EXOC4: variants seen among roughly 807,000 people sequenced by gnomAD.
EXOC4 encodes exocyst complex component 4, also known as SEC8-like 1.
A neutral mutation model predicts 107.2 loss-of-function variants in EXOC4; 71 were observed. That is an observed-to-expected ratio of 0.66 (90% CI 0.55 to 0.81). EXOC4 has a LOEUF of 0.81. Among genes scored for constraint, EXOC4 ranks in the 30% least tolerant of loss-of-function variants. EXOC4 has a pLI of 0.00. For synonymous variants in EXOC4, 456 were observed against 441.2 expected, an observed-to-expected ratio of 1.03 and a Z score of -0.42; for missense variants, 1,108 against 1,189.6, an observed-to-expected ratio of 0.93 and a Z score of 1.01.
At chr7:133,495,280 CT>C (rs1799451471) in intron 9 of EXOC4, among the ~76,000 whole-genome samples, 1 of 151,934 alleles carries the variant, frequency 6.6e-6, no homozygotes, top group South Asian at 2.1e-4. Context: ...GTGCGTAACA[CT>C]GGAGTTTTAG....
chr7:134,062,243 C>G (rs1460438522), intron 17 of EXOC4, among the ~76,000 whole-genome samples: 1 of 152,162 alleles, frequency 6.6e-6, no homozygotes, highest in African/African-American at 2.4e-5. Context: ...AAAGATTATT[C>G]TCTCCCCTAT....
intron 7 of EXOC4, among the ~76,000 whole-genome samples, chr7:133,469,562 C>A (rs1798820760): frequency 6.6e-6 from 1 of 152,088 alleles, no homozygotes; most frequent in Non-Finnish European, 1.5e-5. Flanking sequence ...GTATAAATGT[C>A]AATAGATTCA....
At chr7:133,362,294 C>T (rs186847703) in intron 6 of EXOC4, among the ~76,000 whole-genome samples, 15 of 152,222 alleles carry the variant, frequency 9.9e-5, no homozygotes, top group South Asian at 2.1e-4. Context: ...AGTGACCAAA[C>T]GACTTTTGAG....
At chr7:133,419,795 G>T (rs1424587) in intron 7 of EXOC4, among the ~76,000 whole-genome samples, 73,528 of 151,702 alleles carry the variant, frequency 0.48, 18,196 homozygotes, top group East Asian at 0.6. Context: ...TACCACAAAC[G>T]TAATGATTTA....
chr7:133,759,775 G>C (rs981336995), intron 10 of EXOC4, among the ~76,000 whole-genome samples: 7 of 152,158 alleles, frequency 4.6e-5, no homozygotes, highest in African/African-American at 1.4e-4. Flanking sequence ...GAAGGAGAAA[G>C]GTTATCAGTC....
intron 9 of EXOC4, among the ~76,000 whole-genome samples, chr7:133,608,926 T>C (rs1305576080): frequency 1.3e-5 from 2 of 152,208 alleles, no homozygotes; most frequent in African/African-American, 4.8e-5. Flanking sequence ...GAAAATAGTA[T>C]AAATATAACT....
intron 7 of EXOC4, among the ~76,000 whole-genome samples, chr7:133,412,345 T>C (rs1364380454): frequency 7.6e-6 from 1 of 131,826 alleles, no homozygotes; most frequent in Admixed American, 1.0e-4. Context: ...ATAAAAGTGG[T>C]ATGTTGTGGT....
At chr7:134,056,566 A>G (rs1057213485) in intron 17 of EXOC4, among the ~76,000 whole-genome samples, 1 of 152,250 alleles carries the variant, frequency 6.6e-6, no homozygotes, top group Admixed American at 6.5e-5. Context: ...ATAATTATTC[A>G]TACAAATGGG....
chr7:133,917,885 A>G, intron 13 of EXOC4, 147 bp downstream of exon 13: 1 of 755,358 alleles, frequency 1.3e-6, no homozygotes, highest in East Asian at 2.8e-5. Context: ...CTCCTGTCTC[A>G]CCTCATTTCC....
At chr7:133,889,460 T>C (rs941409297) in intron 11 of EXOC4, among the ~76,000 whole-genome samples, 3 of 149,780 alleles carry the variant, frequency 2.0e-5, no homozygotes, top group South Asian at 4.2e-4. Flanking sequence ...TTAGGGTACA[T>C]GTGCACATTG....
intron 12 of EXOC4, among the ~76,000 whole-genome samples, chr7:133,908,356 G>A (rs868262914): frequency 6.6e-6 from 1 of 152,244 alleles, no homozygotes; most frequent in Non-Finnish European, 1.5e-5. Context: ...CGTGGCAAAG[G>A]CCACAGAGCA....
At chr7:133,549,238 C>G (rs6947125) in intron 9 of EXOC4, among the ~76,000 whole-genome samples, 1 of 152,146 alleles carries the variant, frequency 6.6e-6, no homozygotes, top group Non-Finnish European at 1.5e-5. Flanking sequence ...GTGATCTGCC[C>G]GCCTTGGCCT....
Position 133,845,002 on chromosome 7 carries a change from AAATCCAAAGT to A in EXOC4, c.1734+27459_1734+27468del, listed in dbSNP as rs1798095440. Among the ~76,000 whole-genome samples the A allele has an allele frequency of 2.0e-5, 3 of 152,296 alleles. No individual in the cohort carries two copies. The South Asian group carries it at 6.2e-4, about 32-fold the overall frequency. On this transcript the variant is annotated intron_variant, in intron 11 of 17. Transcript: ENST00000253861. ...GGGCCTTTGATTAACTCGAGCCTGA[AAATCCAAAGT>A]TGTATCTTAACATTGAAATTTGTAT...
chr7:133,383,099 C>T (rs554625934), intron 7 of EXOC4, among the ~76,000 whole-genome samples: 4 of 152,094 alleles, frequency 2.6e-5, no homozygotes, highest in African/African-American at 9.7e-5. Context: ...CAAAATGACA[C>T]CTACTTGGTG....
At chr7:133,554,829 TATTA>T (rs1800661961) in intron 9 of EXOC4, among the ~76,000 whole-genome samples, 2 of 152,238 alleles carry the variant, frequency 1.3e-5, no homozygotes, top group Non-Finnish European at 1.5e-5. Context: ...GATTATGATT[TATTA>T]ATTTTCTTTA....
At chr7:133,938,927 C>T (rs544364955) in intron 14 of EXOC4, among the ~76,000 whole-genome samples, 2 of 152,176 alleles carry the variant, frequency 1.3e-5, no homozygotes, top group East Asian at 1.9e-4. Context: ...TTCAGCCTCC[C>T]GAGTAGCTGG....
chr7:133,389,595 A>AAAAAAAATG (rs35982893), intron 7 of EXOC4, among the ~76,000 whole-genome samples: 2 of 95,352 alleles, frequency 2.1e-5, no homozygotes, highest in Non-Finnish European at 1.9e-5. Context: ...AAAAAAAAAA[A>AAAAAAAATG]GAGAGTCTTA....
chr7:133,881,676 G>T (rs1798969383), intron 11 of EXOC4, among the ~76,000 whole-genome samples: 1 of 152,092 alleles, frequency 6.6e-6, no homozygotes, highest in East Asian at 1.9e-4. Context: ...TTGGTATAGA[G>T]AAGGTACTTA....
chr7:133,963,927 A>G (rs71535768), intron 14 of EXOC4, among the ~76,000 whole-genome samples: 1 of 152,216 alleles, frequency 6.6e-6, no homozygotes, highest in Non-Finnish European at 1.5e-5. Flanking sequence ...GGAAATACAG[A>G]CAATTATGGA....
Sources: gnomAD v4.1 joint callset for allele counts (sites outside exome capture counted in the v4.1 genomes callset) on GRCh38, gnomAD v4.1.1 for gene constraint, MANE v1.5 for transcripts, NCBI Gene and HGNC (gene_info 2026-07-23, HGNC 2026-07-21) for gene names.